DDX10: variants seen among roughly 807,000 people sequenced by gnomAD.
DDX10 encodes the protein probable ATP-dependent RNA helicase DDX10.
DDX10 carries 74 observed loss-of-function variants against 104.3 expected under a neutral mutation model. The ratio of observed to expected loss-of-function variants is 0.71; its 90% CI spans 0.59 to 0.86. The LOEUF (loss-of-function observed/expected upper bound fraction) is 0.86. DDX10 is among the 40% of genes least tolerant of loss of function. The pLI is 0.00. For synonymous variants in DDX10, 351 were observed against 353.4 expected (o/e 0.99, Z 0.08); for missense variants, 952 against 1,040.0 (o/e 0.92, Z 1.16).
intron 13 of DDX10, among the ~76,000 whole-genome samples, chr11:108,764,642 C>G (rs1316248621): frequency 6.6e-6 from 1 of 152,150 alleles, no homozygotes; most frequent in African/African-American, 2.4e-5. Context: ...GCACTCCAGC[C>G]TGGACGAGAG....
At chr11:108,777,672 T>C (rs1056903891) in intron 13 of DDX10, among the ~76,000 whole-genome samples, 4 of 152,114 alleles carry the variant, frequency 2.6e-5, no homozygotes, top group African/African-American at 9.7e-5. Flanking sequence ...CTATTCAACA[T>C]AGTGTTGGAA....
intron 16 of DDX10, among the ~76,000 whole-genome samples, chr11:108,859,329 C>T (rs1008886182): frequency 6.6e-6 from 1 of 152,098 alleles, no homozygotes; most frequent in African/African-American, 2.4e-5. Flanking sequence ...TCTAATACTT[C>T]TTAGAGAATT....
intron 16 of DDX10, among the ~76,000 whole-genome samples, chr11:108,908,911 G>C (rs1026387930): frequency 6.6e-6 from 1 of 152,222 alleles, no homozygotes; most frequent in African/African-American, 2.4e-5. Context: ...AAGAAACGAT[G>C]CTTAGAAATA....
intron 13 of DDX10, among the ~76,000 whole-genome samples, chr11:108,728,598 C>A (rs951469135): frequency 6.6e-6 from 1 of 150,992 alleles, no homozygotes; most frequent in Non-Finnish European, 1.5e-5. Flanking sequence ...CACTGTACCC[C>A]CAAACTCCCA....
At chr11:108,826,727 C>T (rs1190452757) in intron 13 of DDX10, among the ~76,000 whole-genome samples, 1 of 152,174 alleles carries the variant, frequency 6.6e-6, no homozygotes, top group Non-Finnish European at 1.5e-5. Flanking sequence ...GAGGTGATCA[C>T]ATCCGCATGC....
At chr11:108,815,152 G>T (rs1862237623) in intron 13 of DDX10, among the ~76,000 whole-genome samples, 1 of 152,070 alleles carries the variant, frequency 6.6e-6, no homozygotes, top group African/African-American at 2.4e-5. Context: ...GCATATTCCT[G>T]TTATATACTT....
chr11:108,690,128 T>A (rs1339062765), intron 7 of DDX10, among the ~76,000 whole-genome samples: 1 of 152,064 alleles, frequency 6.6e-6, no homozygotes. Context: ...GGAGCATTCC[T>A]CAAGGCAACT....
At chr11:108,731,319 A>G (rs376614696) in intron 13 of DDX10, among the ~76,000 whole-genome samples, 2 of 152,090 alleles carry the variant, frequency 1.3e-5, no homozygotes, top group East Asian at 3.9e-4. Flanking sequence ...TCAAAGTGCT[A>G]GGATTACAGG....
chr11:108,800,195 G>A (rs1177618908), intron 13 of DDX10, among the ~76,000 whole-genome samples: 2 of 150,356 alleles, frequency 1.3e-5, no homozygotes, highest in African/African-American at 4.9e-5. Context: ...TGTAATCCCA[G>A]CACTTTGGGA....
intron 10 of DDX10, among the ~76,000 whole-genome samples, chr11:108,711,685 T>C (rs373267162): frequency 1.3e-5 from 2 of 152,228 alleles, no homozygotes; most frequent in Non-Finnish European, 2.9e-5. Context: ...TATTGTATGA[T>C]TTATATTATT....
At chr11:108,816,408 C>T (rs918397693) in intron 13 of DDX10, among the ~76,000 whole-genome samples, 7 of 152,154 alleles carry the variant, frequency 4.6e-5, no homozygotes, top group Non-Finnish European at 8.8e-5. Context: ...ACCAAGAACC[C>T]GTGAGTTTTC....
At chr11:108,902,817 A>G (rs748706850) in intron 16 of DDX10, among the ~76,000 whole-genome samples, 3 of 152,166 alleles carry the variant, frequency 2.0e-5, no homozygotes, top group Non-Finnish European at 2.9e-5. Context: ...GAGAAATTAA[A>G]GAGAATTTTT....
chr11:108,696,545 CCTT>C (rs993624651), intron 9 of DDX10, among the ~76,000 whole-genome samples: 5 of 152,012 alleles, frequency 3.3e-5, no homozygotes, highest in African/African-American at 4.8e-5. Context: ...GGTGGAATGA[CCTT>C]CTCCACTGTT....
chr11:108,689,951 C>G (rs376335047), intron 7 of DDX10, among the ~76,000 whole-genome samples: 1 of 152,032 alleles, frequency 6.6e-6, no homozygotes, highest in Non-Finnish European at 1.5e-5. Flanking sequence ...TGCGGTGGCT[C>G]ACGCCTGTAA....
intron 16 of DDX10, among the ~76,000 whole-genome samples, chr11:108,866,998 G>A (rs944910559): frequency 6.6e-6 from 1 of 152,184 alleles, no homozygotes; most frequent in Admixed American, 6.5e-5. Flanking sequence ...GGGCATTTGA[G>A]TCAGGCCCTG....
At chr11:108,709,399 G>A (rs2094280959) in intron 10 of DDX10, among the ~76,000 whole-genome samples, 1 of 152,216 alleles carries the variant, frequency 6.6e-6, no homozygotes, top group African/African-American at 2.4e-5. Context: ...AGAATTTATG[G>A]GCGAGCCCAT....
At chr11:108,860,663 A>C (rs1473723065) in intron 16 of DDX10, 1 of 151,780 alleles carries the variant, frequency 6.6e-6, no homozygotes, top group East Asian at 1.9e-4. Context: ...CTTGTGCCTT[A>C]CCCTCCCAAG....
At chr11:108,910,981 T>C (rs1264360882) in intron 16 of DDX10, among the ~76,000 whole-genome samples, 1 of 152,154 alleles carries the variant, frequency 6.6e-6, no homozygotes, top group East Asian at 1.9e-4. Context: ...GGCCACATGT[T>C]AGGGGATCCA....
chr11:108,696,585 G>A (rs1303922785), intron 9 of DDX10, among the ~76,000 whole-genome samples: 3 of 152,088 alleles, frequency 2.0e-5, no homozygotes, highest in Admixed American at 1.3e-4. Flanking sequence ...GTGTAGTTGT[G>A]TAAATTTTTA....
Sources: allele counts gnomAD v4.1 joint callset (sites outside exome capture counted in the v4.1 genomes callset), GRCh38; gene constraint gnomAD v4.1.1; transcripts MANE v1.5; gene names NCBI Gene and HGNC (gene_info 2026-07-23, HGNC 2026-07-21).